EVI5: variants seen among roughly 807,000 people sequenced by gnomAD.
EVI5 encodes ecotropic viral integration site 5.
EVI5 carries 73 observed loss-of-function variants against 112.0 expected under a neutral mutation model. The ratio of observed to expected loss-of-function variants is 0.65; its 90% CI spans 0.54 to 0.79. The LOEUF (loss-of-function observed/expected upper bound fraction) is 0.79. Among genes scored for constraint, EVI5 ranks in the 30% least tolerant of loss-of-function variants. EVI5 has a pLI of 0.00. For missense variants in EVI5, 900 were observed against 968.8 expected (o/e 0.93, Z 0.94); for synonymous variants, 305 against 319.9 (o/e 0.95, Z 0.50).
At chr1:92,600,743 G>A (rs1446814852) in intron 18 of EVI5, among the ~76,000 whole-genome samples, 1 of 152,172 alleles carries the variant, frequency 6.6e-6, no homozygotes, top group African/African-American at 2.4e-5. Flanking sequence ...ACAGGAGGTG[G>A]AGCTCAGACA....
intron 1 of EVI5, among the ~76,000 whole-genome samples, chr1:92,742,824 C>T (rs568592586): frequency 1.3e-5 from 2 of 152,260 alleles, no homozygotes; most frequent in Non-Finnish European, 2.9e-5. Flanking sequence ...CAGCTGCTGT[C>T]GAAAACAGTA....
At chr1:92,737,346 C>T (rs561411505) in intron 1 of EVI5, among the ~76,000 whole-genome samples, 7 of 152,156 alleles carry the variant, frequency 4.6e-5, no homozygotes, top group African/African-American at 1.2e-4. Flanking sequence ...CCAATAGCTA[C>T]GTTAATGTGG....
intron 13 of EVI5, among the ~76,000 whole-genome samples, chr1:92,648,611 T>C (rs1434249452): frequency 6.6e-6 from 1 of 152,202 alleles, no homozygotes; most frequent in Non-Finnish European, 1.5e-5. Flanking sequence ...AGATATTTCC[T>C]ATAAATGGAG....
At chr1:92,714,802 G>A (rs1673362996) in intron 2 of EVI5, among the ~76,000 whole-genome samples, 1 of 152,036 alleles carries the variant, frequency 6.6e-6, no homozygotes, top group Non-Finnish European at 1.5e-5. Context: ...TGTTGCCCAG[G>A]CTGGTCTTGA....
intron 14 of EVI5, among the ~76,000 whole-genome samples, chr1:92,627,292 T>C (rs1655895436): frequency 6.6e-6 from 1 of 152,230 alleles, no homozygotes; most frequent in Non-Finnish European, 1.5e-5. Context: ...GTTACTTCAC[T>C]TAGAATAATA....
At chr1:92,787,231 T>TA (rs1685707217), upstream of EVI5, among the ~76,000 whole-genome samples, 1 of 152,214 alleles carries the variant, frequency 6.6e-6, no homozygotes, top group Non-Finnish European at 1.5e-5. Flanking sequence ...CAGAGAAAGG[T>TA]AAAATGTCAC....
At chr1:92,584,771 A>C (rs1310349793) in intron 18 of EVI5, among the ~76,000 whole-genome samples, 3 of 152,252 alleles carry the variant, frequency 2.0e-5, no homozygotes, top group South Asian at 4.1e-4. Context: ...AAGTACACAT[A>C]AATGTCTTTT....
At chr1:92,653,156 G>A (rs1249331796) in intron 13 of EVI5, among the ~76,000 whole-genome samples, 1 of 152,144 alleles carries the variant, frequency 6.6e-6, no homozygotes, top group African/African-American at 2.4e-5. Context: ...CAGCCATCAG[G>A]GGTCTGTACC....
At chr1:92,713,302 T>C (rs1019420363) in intron 2 of EVI5, among the ~76,000 whole-genome samples, 5 of 151,766 alleles carry the variant, frequency 3.3e-5, no homozygotes, top group Non-Finnish European at 7.4e-5. Flanking sequence ...TACTACACAA[T>C]ACTAGTATTG....
intron 9 of EVI5, among the ~76,000 whole-genome samples, chr1:92,678,796 A>C (rs138322082): frequency 4.7e-4 from 72 of 152,344 alleles, no homozygotes; most frequent in African/African-American, 1.7e-3. Flanking sequence ...GCTTTCAAAA[A>C]TAAAATTCTC....
intron 19 of EVI5, among the ~76,000 whole-genome samples, chr1:92,535,472 G>A (rs564008828): frequency 7.2e-5 from 11 of 152,120 alleles, no homozygotes; most frequent in African/African-American, 1.4e-4. Context: ...TGTTTACTGC[G>A]GCACTGTTCA....
intron 1 of EVI5, among the ~76,000 whole-genome samples, chr1:92,759,156 G>C (rs777581517): frequency 6.6e-6 from 1 of 152,192 alleles, no homozygotes; most frequent in African/African-American, 2.4e-5. Flanking sequence ...TCAGGGGGCA[G>C]AGGTTACAGT....
chr1:92,639,880 T>C (rs376078732), intron 13 of EVI5, among the ~76,000 whole-genome samples: 3 of 152,174 alleles, frequency 2.0e-5, no homozygotes, highest in African/African-American at 7.2e-5. Context: ...ACTACAAGGC[T>C]ACAGTAACCC....
At chr1:92,556,508 T>C (rs998411459) in intron 19 of EVI5, among the ~76,000 whole-genome samples, 2 of 152,184 alleles carry the variant, frequency 1.3e-5, no homozygotes, top group African/African-American at 4.8e-5. Flanking sequence ...CCCCTCATCA[T>C]CATAAACAAA....
chr1:92,640,725 C>G (rs1659792663), intron 13 of EVI5, among the ~76,000 whole-genome samples: 1 of 152,110 alleles, frequency 6.6e-6, no homozygotes, highest in African/African-American at 2.4e-5. Flanking sequence ...AATACCATTA[C>G]CAGGCATATA....
rs201613930 is a variant in EVI5, at chr1:92,513,635, T to C, written c.*21A>G. On this transcript the variant is annotated 3_prime_UTR_variant, in exon 20 of 20. Transcript: ENST00000684568. Reference sequence around the variant, plus strand: ...ATAACTGATCCCTTAAATAAATCCATAGTCTAGGTCACAGTGATGGTCAGA... The same window carrying C: ...ATAACTGATCCCTTAAATAAATCCACAGTCTAGGTCACAGTGATGGTCAGA... The C allele has an allele frequency of 1.3e-6, 2 of 1,505,558 alleles. No homozygotes were observed. Among genetic ancestry groups the C allele is most frequent in the Non-Finnish European group, 1.8e-6 (2 of 1,119,198 alleles). 93.3% of individuals were successfully genotyped at this position (1,505,558 alleles called of 1,614,324 possible).
At chr1:92,587,829 G>A (rs372007935) in intron 18 of EVI5, among the ~76,000 whole-genome samples, 195 of 152,238 alleles carry the variant, frequency 1.3e-3, no homozygotes, top group African/African-American at 4.4e-3. Context: ...ACAAAGTGGC[G>A]TTAATTTTAT....
intron 19 of EVI5, among the ~76,000 whole-genome samples, chr1:92,539,774 T>C (rs938624000): frequency 6.6e-6 from 1 of 152,138 alleles, no homozygotes; most frequent in African/African-American, 2.4e-5. Context: ...AGTATATGCA[T>C]AGAGTTGTGC....
chr1:92,713,842 C>T (rs889785583), intron 2 of EVI5, among the ~76,000 whole-genome samples: 1 of 152,146 alleles, frequency 6.6e-6, no homozygotes, highest in Non-Finnish European at 1.5e-5. Flanking sequence ...TGCTAAAAAG[C>T]AAAATATGAT....
Sources: allele counts gnomAD v4.1 joint callset (sites outside exome capture counted in the v4.1 genomes callset), GRCh38; gene constraint gnomAD v4.1.1; transcripts MANE v1.5; gene names NCBI Gene and HGNC (gene_info 2026-07-23, HGNC 2026-07-21).